The following NECTIN1 variants were observed in gnomAD, a reference collection of about 807,000 sequenced individuals.
NECTIN1 encodes nectin-1.
A neutral mutation model predicts 48.0 loss-of-function variants in NECTIN1; 23 were observed. The ratio of observed to expected loss-of-function variants is 0.48; its 90% CI spans 0.34 to 0.68. The LOEUF (loss-of-function observed/expected upper bound fraction) is 0.68. NECTIN1 is among the 30% of genes least tolerant of loss of function. NECTIN1 has a pLI of 0.01. For missense variants in NECTIN1, 591 were observed against 709.9 expected, an observed-to-expected ratio of 0.83 and a Z score of 1.90; for synonymous variants, 270 against 288.9, an observed-to-expected ratio of 0.93 and a Z score of 0.66.
At chr11:119,701,849 C>A (rs376683455) in intron 1 of NECTIN1, among the ~76,000 whole-genome samples, 1 of 152,178 alleles carries the variant, frequency 6.6e-6, no homozygotes, top group East Asian at 1.9e-4. Context: ...AATCCACCTG[C>A]CTCCGCCTCA....
downstream of NECTIN1, among the ~76,000 whole-genome samples, chr11:119,656,958 G>A (rs910286634): frequency 2.6e-5 from 4 of 152,176 alleles, no homozygotes; most frequent in African/African-American, 9.7e-5. Flanking sequence ...CAGGTGCCCA[G>A]GGAACAAGCG....
intron 1 of NECTIN1, among the ~76,000 whole-genome samples, chr11:119,692,188 C>T (rs1305638623): frequency 3.9e-5 from 6 of 152,220 alleles, no homozygotes; most frequent in South Asian, 2.1e-4. Context: ...TCAGACTTGT[C>T]GGGGTTTCAG....
rs987125722 is a variant in NECTIN1, at chr11:119,678,942, A to G, written c.80-177T>C. On this transcript the variant is annotated intron_variant, in intron 1 of 5. Coordinates refer to ENST00000264025, the MANE Select transcript of NECTIN1 (RefSeq NM_002855.5). This position sits in a 1 kb window ranked among gnomAD's most constrained non-coding sequence, Gnocchi z 4.4. Reference sequence around the variant, plus strand: ...TAGGCAACACTGAAAAATCATGAGAAGAAAGTGACAACATCCCATGATCCT... The same window carrying G: ...TAGGCAACACTGAAAAATCATGAGAGGAAAGTGACAACATCCCATGATCCT... Among the ~76,000 whole-genome samples, 1 of 152,214 alleles carries G rather than the reference A, an allele frequency of 6.6e-6. No homozygotes were observed. The highest frequency in any genetic ancestry group is 2.4e-5 in the African/African-American group (1 of 41,450).
chr11:119,655,920 C>G (rs1422822080), intron 5 of NECTIN1, among the ~76,000 whole-genome samples: 1 of 152,176 alleles, frequency 6.6e-6, no homozygotes, highest in Non-Finnish European at 1.5e-5. Flanking sequence ...TTTTAAGACA[C>G]AAGATCTCAC....
chr11:119,718,193 G>A (rs1243413900), intron 1 of NECTIN1, among the ~76,000 whole-genome samples: 1 of 152,190 alleles, frequency 6.6e-6, no homozygotes, highest in African/African-American at 2.4e-5. Flanking sequence ...AATCTGCACA[G>A]GGACTGTCTG....
rs1865605890 is a variant in NECTIN1 at position 119,709,795 on chromosome 11, G to C, written c.79+18680C>G. On this transcript the variant is annotated intron_variant, in intron 1 of 5. Coordinates refer to ENST00000264025, the MANE Select transcript of NECTIN1 (RefSeq NM_002855.5). This position sits in a 1 kb window ranked among gnomAD's most constrained non-coding sequence, Gnocchi z 4.1. Reference sequence around the variant, plus strand: ...GAGCGGGTTTGAGGGGGAGGACCTAGCTGGTTTTTCCCAGCATCCCCCAGG... The same window carrying C: ...GAGCGGGTTTGAGGGGGAGGACCTACCTGGTTTTTCCCAGCATCCCCCAGG... 6.6e-6 allele frequency: 1 copy of C among 152,214 alleles called. No homozygotes were observed. 9.4% of individuals were successfully genotyped at this position (152,214 alleles called of 1,614,324 possible).
chr11:119,705,892 A>G (rs910315221), intron 1 of NECTIN1, among the ~76,000 whole-genome samples: 1 of 151,936 alleles, frequency 6.6e-6, no homozygotes, highest in Non-Finnish European at 1.5e-5. Flanking sequence ...CAGGTGAGAC[A>G]GCTGGCAGCC....
intron 1 of NECTIN1, among the ~76,000 whole-genome samples, chr11:119,693,206 A>T (rs907469348): frequency 1.3e-5 from 2 of 149,524 alleles, no homozygotes. Flanking sequence ...AAACCCTGCC[A>T]CTCTCGGGGT....
At position 119,672,564 on chromosome 11, in the gene NECTIN1, T is replaced by G. The variant is rs190210456; in HGVS notation, c.1003+2595A>C. 6.6e-6 allele frequency among the ~76,000 whole-genome samples: 1 copy of G among 152,290 alleles called. No homozygotes were observed. The highest frequency in any genetic ancestry group is 1.9e-4 in the East Asian group (1 of 5,184). ...GGGCCTGTTGTTTCCCACTAGGGAC[T>G]CACTCATGGTGGCAGCTCCTAACGG... On this transcript the variant is annotated intron_variant, in intron 5 of 5. Transcript: ENST00000264025. This position sits in a 1 kb window ranked among gnomAD's most constrained non-coding sequence, Gnocchi z 4.3.
At chr11:119,645,794 C>T (rs1323492596) in intron 5 of NECTIN1, among the ~76,000 whole-genome samples, 1 of 152,220 alleles carries the variant, frequency 6.6e-6, no homozygotes, top group East Asian at 1.9e-4. Context: ...TACCCCTCTC[C>T]TCCTCAGTTT....
downstream of NECTIN1, among the ~76,000 whole-genome samples, chr11:119,657,347 G>A (rs1483267362): frequency 2.0e-5 from 3 of 152,138 alleles, no homozygotes; most frequent in Non-Finnish European, 4.4e-5. Flanking sequence ...CAGGTGCGGT[G>A]ACTTATGCCT....
In NECTIN1 at chr11:119,678,375, G is replaced by T. The variant is rs548179246; in HGVS notation, c.430+40C>A. On this transcript the variant is annotated intron_variant, in intron 2 of 5. Coordinates refer to ENST00000264025, the MANE Select transcript of NECTIN1 (RefSeq NM_002855.5). The surrounding 1 kb of genome is among the most constrained non-coding windows in gnomAD (Gnocchi z 4.4). ...AGGATGGCCACGCCCCGAGGTCACAGGCCTCTGGATGAACAGGGAGGGGGC... is the reference window on the plus strand; with the variant it reads ...AGGATGGCCACGCCCCGAGGTCACATGCCTCTGGATGAACAGGGAGGGGGC... 34 of 1,579,838 alleles carry T rather than the reference G, an allele frequency of 2.2e-5. 1 individual carries two copies. The highest frequency in any genetic ancestry group is 2.7e-5 in the Non-Finnish European group (31 of 1,149,464).
chr11:119,642,170 G>GA (rs1347915507), intron 5 of NECTIN1: 4 of 14,518 alleles, frequency 2.8e-4, no homozygotes, highest in Non-Finnish European at 3.9e-4. Flanking sequence ...GCAGTTCTGG[G>GA]AGAGGGTCCA....
chr11:119,716,820 CAG>C (rs1865749582), intron 1 of NECTIN1, among the ~76,000 whole-genome samples: 1 of 152,236 alleles, frequency 6.6e-6, no homozygotes, highest in African/African-American at 2.4e-5. Context: ...AGATGGCGAT[CAG>C]AGTCTAATCA....
chr11:119,638,621 T>C (rs1864272229), intron 7 of NECTIN1: 3 of 1,012,870 alleles, frequency 3.0e-6, no homozygotes, highest in African/African-American at 1.6e-5. Flanking sequence ...AACTGGACCA[T>C]GAAGGCGTGG....
At chr11:119,693,851 A>G (rs1865302637) in intron 1 of NECTIN1, among the ~76,000 whole-genome samples, 1 of 152,120 alleles carries the variant, frequency 6.6e-6, no homozygotes, top group African/African-American at 2.4e-5. Context: ...TTCATTTTTA[A>G]TGCTGGGAAA....
At chr11:119,686,330 C>G (rs1265464224) in intron 1 of NECTIN1, among the ~76,000 whole-genome samples, 3 of 152,172 alleles carry the variant, frequency 2.0e-5, no homozygotes, top group African/African-American at 7.2e-5. Context: ...TTCCTTTGAA[C>G]CTTAGCACCT....
At chr11:119,713,824 G>C (rs111254016) in intron 1 of NECTIN1, 81 of 455,636 alleles carry the variant, frequency 1.8e-4, no homozygotes, top group Admixed American at 3.1e-4. Context: ...CTCAGAGTTC[G>C]GCGAGGGGAG....
At chr11:119,651,477 G>A (rs1460343607) in intron 5 of NECTIN1, among the ~76,000 whole-genome samples, 3 of 152,042 alleles carry the variant, frequency 2.0e-5, no homozygotes, top group Non-Finnish European at 2.9e-5. Context: ...GTGGGCTGTC[G>A]GAGGAGACAT....
Sources: gnomAD v4.1 joint callset for allele counts (sites outside exome capture counted in the v4.1 genomes callset) on GRCh38, gnomAD v4.1.1 for gene constraint, Gnocchi (gnomAD v3.1) non-coding constraint, MANE v1.5 for transcripts, NCBI Gene and HGNC (gene_info 2026-07-23, HGNC 2026-07-21) for gene names.